The following USH2A variants were observed in gnomAD, a reference collection of about 807,000 sequenced individuals.
USH2A encodes the protein Usher syndrome 2A (autosomal recessive, mild).
USH2A carries 443 observed loss-of-function variants against 538.9 expected under a neutral mutation model. The ratio of observed to expected loss-of-function variants is 0.82; its 90% CI spans 0.76 to 0.89. The LOEUF is 0.89. USH2A is among the 40% of genes least tolerant of loss of function. The pLI is 0.00. For missense variants in USH2A, 6,633 were observed against 6,324.8 expected (o/e 1.05, Z -1.65); for synonymous variants, 2,413 against 2,273.5 (o/e 1.06, Z -1.75).
At chr1:216,283,677 A>G (rs2036828293) in intron 11 of USH2A, among the ~76,000 whole-genome samples, 1 of 152,222 alleles carries the variant, frequency 6.6e-6, no homozygotes, top group Non-Finnish European at 1.5e-5. Context: ...TTGATCTTAA[A>G]TAAAATTGAA....
At chr1:216,395,042 C>A (rs2039186522) in intron 3 of USH2A, among the ~76,000 whole-genome samples, 1 of 151,822 alleles carries the variant, frequency 6.6e-6, no homozygotes, top group African/African-American at 2.4e-5. Context: ...TAACTCTAAT[C>A]ATCTGATGTC....
intron 69 of USH2A, among the ~76,000 whole-genome samples, 194 bp downstream of exon 69, chr1:215,638,961 G>C (rs1327361861): frequency 6.8e-6 from 1 of 147,774 alleles, no homozygotes; most frequent in Non-Finnish European, 1.5e-5. Context: ...CTGAGTGACA[G>C]AGCAAGACTC....
chr1:216,305,857 C>T lies in USH2A; in HGVS notation c.1645-13487G>A, dbSNP rs139417507. ...TAGGACACCAATTCCTTCTAGCTTG[C>T]AGGGTTTCTGCTGAGAAATCTGCTG... On this transcript the variant is annotated intron_variant, in intron 9 of 71. Coordinates refer to ENST00000307340, the MANE Select transcript of USH2A (RefSeq NM_206933.4). 4.2e-3 allele frequency among the ~76,000 whole-genome samples: 635 copies of T among 152,270 alleles called. 5 individuals are homozygous for T. Among genetic ancestry groups the T allele is most frequent in the African/African-American group, 0.015 (604 of 41,566 alleles).
intron 16 of USH2A, among the ~76,000 whole-genome samples, chr1:216,202,472 C>A (rs76511615): frequency 9.2e-4 from 140 of 152,200 alleles, no homozygotes; most frequent in African/African-American, 3.3e-3. Context: ...TGATCCATAA[C>A]AAAAAAATAA....
chr1:216,020,062 T>C (rs1021432875), intron 32 of USH2A, among the ~76,000 whole-genome samples: 1 of 152,190 alleles, frequency 6.6e-6, no homozygotes, highest in Non-Finnish European at 1.5e-5. Flanking sequence ...TTTTCTCTTT[T>C]AAAACAGCAA....
intron 20 of USH2A, among the ~76,000 whole-genome samples, chr1:216,185,475 A>C (rs546374675): frequency 3.3e-5 from 5 of 152,056 alleles, no homozygotes; most frequent in African/African-American, 9.6e-5. Context: ...ATGCTTCCAA[A>C]AGGCTAATTA....
In USH2A at chr1:215,877,762, T is replaced by C. The variant is rs1308093751; in HGVS notation, c.8677A>G (p.Ser2893Gly). Residue 2893 changes from serine to glycine, a missense_variant, in exon 43 of 72, where the codon AGC becomes GGC. Physicochemically the swap from Ser to Gly is moderately conservative, Grantham distance 56. Coordinates refer to ENST00000307340, the MANE Select transcript of USH2A (RefSeq NM_206933.4). ...TQWLYEDKGL[S>G]RFTTYEYMLF... ...TTATAGTTTTTGTAATCTCACCTGC[T>C]AAGACCCTTATCTTCATAAAGCCAC... The C allele has an allele frequency of 1.2e-6, 2 of 1,613,728 alleles. No individual in the cohort carries two copies. Among genetic ancestry groups the C allele is most frequent in the Admixed American group, 1.7e-5 (1 of 60,010 alleles).
At chr1:216,173,687 A>G (rs143697209) in intron 21 of USH2A, among the ~76,000 whole-genome samples, 1 of 152,272 alleles carries the variant, frequency 6.6e-6, no homozygotes, top group East Asian at 1.9e-4. Flanking sequence ...CAAATTTATT[A>G]ACGGTGGACG....
chr1:216,325,427 G>A lies in USH2A; in HGVS notation c.1021C>T (p.Pro341Ser), dbSNP rs2037710415. ...RVSRLNPEAH[P>S]LSFVNDNDVG... ...TCATTATCATTGACAAAAGAGAGAG[G>A]ATGGGCTTCAGGATTCAACCGTGAC... The change falls in exon 6 of 72, where the codon CCT (proline) becomes TCT (serine). Residue 341 changes from proline to serine, a missense_variant. Physicochemically the swap from Pro to Ser is moderately conservative, Grantham distance 74. Coordinates refer to ENST00000307340, the MANE Select transcript of USH2A (RefSeq NM_206933.4). The A allele has an allele frequency of 3.1e-6, 5 of 1,613,874 alleles. No individual in the cohort carries two copies. The highest frequency in any genetic ancestry group is 4.2e-6 in the Non-Finnish European group (5 of 1,179,914).
intron 58 of USH2A, among the ~76,000 whole-genome samples, chr1:215,753,435 G>A (rs1384892185): frequency 1.3e-5 from 2 of 152,148 alleles, no homozygotes; most frequent in South Asian, 4.1e-4. Context: ...TGATAGACAG[G>A]ATTAAGAAAA....
intron 30 of USH2A, among the ~76,000 whole-genome samples, chr1:216,056,583 CAATAATAGCA>C (rs2030982112): frequency 6.6e-6 from 1 of 152,134 alleles, no homozygotes; most frequent in South Asian, 2.1e-4. Context: ...TAATTAAAAA[CAATAATAGCA>C]CACTTTTTAC....
At chr1:215,842,809 G>A (rs1240838301) in intron 46 of USH2A, among the ~76,000 whole-genome samples, 1 of 151,890 alleles carries the variant, frequency 6.6e-6, no homozygotes, top group Admixed American at 6.6e-5. Context: ...GGGGCCTGTT[G>A]GGGGGGCATC....
intron 3 of USH2A, among the ~76,000 whole-genome samples, chr1:216,389,688 T>A (rs2039067514): frequency 6.6e-6 from 1 of 152,140 alleles, no homozygotes; most frequent in Non-Finnish European, 1.5e-5. Context: ...TAAATATACA[T>A]CTTACTTAAA....
intron 21 of USH2A, among the ~76,000 whole-genome samples, chr1:216,144,894 T>C (rs996355768): frequency 6.6e-6 from 1 of 152,188 alleles, no homozygotes; most frequent in Non-Finnish European, 1.5e-5. Context: ...TAGCTTCTTT[T>C]TACGTTAAAA....
chr1:215,635,947 T>C (rs1356361840), intron 69 of USH2A, among the ~76,000 whole-genome samples: 1 of 127,330 alleles, frequency 7.9e-6, no homozygotes, highest in African/African-American at 3.1e-5. Flanking sequence ...GTTGTCAGCT[T>C]GGCAAGCTAA....
intron 20 of USH2A, among the ~76,000 whole-genome samples, chr1:216,179,651 G>A (rs760473095): frequency 7.2e-5 from 11 of 152,064 alleles, no homozygotes; most frequent in Non-Finnish European, 1.2e-4. Context: ...GGGGAATTAA[G>A]TGAAATTGTC....
chr1:216,014,726 A>T (rs2102495905), intron 32 of USH2A, among the ~76,000 whole-genome samples: 1 of 152,330 alleles, frequency 6.6e-6, no homozygotes, highest in Admixed American at 6.5e-5. Flanking sequence ...ATCCACAGGC[A>T]TTATCCTTAG....
intron 38 of USH2A, among the ~76,000 whole-genome samples, chr1:215,928,401 C>T (rs771400697): frequency 2.0e-5 from 3 of 151,458 alleles, no homozygotes; most frequent in Non-Finnish European, 2.9e-5. Context: ...TTTTTTGGTG[C>T]TAGTACATCA....
intron 37 of USH2A, among the ~76,000 whole-genome samples, chr1:215,957,541 A>G (rs936084846): frequency 2.0e-5 from 3 of 152,166 alleles, no homozygotes; most frequent in African/African-American, 7.2e-5. Context: ...ATATTTTTAA[A>G]TGAGATAAAG....
Sources: gnomAD v4.1 joint callset for allele counts (sites outside exome capture counted in the v4.1 genomes callset) on GRCh38, gnomAD v4.1.1 for gene constraint, MANE v1.5 for transcripts, NCBI Gene and HGNC (gene_info 2026-07-23, HGNC 2026-07-21) for gene names.